Variants in HNF4G observed in about 807,000 individuals in gnomAD.
HNF4G encodes hepatocyte nuclear factor 4 gamma.
In HNF4G, 21 loss-of-function variants were observed where a neutral mutation model predicts 50.9. The observed-to-expected ratio is 0.41, with a 90% CI of 0.29 to 0.59. The LOEUF (loss-of-function observed/expected upper bound fraction) is 0.59, where lower values mean the gene tolerates loss of function less well. Ranked by LOEUF, HNF4G falls within the 20% of genes least tolerant of loss-of-function variation. The pLI is 0.26. For synonymous variants in HNF4G, 198 were observed against 185.6 expected (o/e 1.07, Z -0.54); for missense variants, 527 against 559.4 (o/e 0.94, Z 0.58).
chr8:75,488,027 A>G (rs1244205740), intron 1 of HNF4G, among the ~76,000 whole-genome samples: 3 of 152,184 alleles, frequency 2.0e-5, no homozygotes, highest in African/African-American at 4.8e-5. Flanking sequence ...AACCATCCCT[A>G]TGATTCAATT....
At chr8:75,563,397 G>A (rs566576793) in intron 9 of HNF4G, among the ~76,000 whole-genome samples, 2 of 150,262 alleles carry the variant, frequency 1.3e-5, no homozygotes, top group African/African-American at 4.9e-5. Flanking sequence ...GGATGCGACA[G>A]GCAAGCTCGA....
At chr8:75,554,165 T>C (rs1807049478) in intron 5 of HNF4G, among the ~76,000 whole-genome samples, 1 of 152,128 alleles carries the variant, frequency 6.6e-6, no homozygotes, top group Non-Finnish European at 1.5e-5. Flanking sequence ...TCACGAATAT[T>C]GACATACCAT....
At chr8:75,423,842 T>TTTTTTA in intron 1 of HNF4G, among the ~76,000 whole-genome samples, 1 of 118,904 alleles carries the variant, frequency 8.4e-6, no homozygotes, top group East Asian at 2.6e-4. Context: ...TTTTTTTTTT[T>TTTTTTA]GATAAGGAGT....
At position 75,436,707 on chromosome 8, in the gene HNF4G, A is replaced by C. The variant is rs146321320; in HGVS notation, c.-144+28545A>C. 4.6e-3 allele frequency among the ~76,000 whole-genome samples: 699 copies of C among 152,360 alleles called. 5 individuals are homozygous for C. Among genetic ancestry groups the C allele is most frequent in the African/African-American group, 0.016 (670 of 41,580 alleles). ...TCATGAAATAATTAGTTTTAAAAAG[A>C]AGCAAAGCTGTAAAGAGACACTGAA... On this transcript the variant is annotated intron_variant, in intron 1 of 10. Transcript: ENST00000354370.
chr8:75,504,808 CTT>C (rs1265389601), intron 2 of HNF4G, among the ~76,000 whole-genome samples: 2 of 152,044 alleles, frequency 1.3e-5, no homozygotes, highest in East Asian at 1.9e-4. Flanking sequence ...AAAATGATCT[CTT>C]ATTACTTATT....
chr8:75,492,296 C>G (rs993887773), intron 2 of HNF4G, among the ~76,000 whole-genome samples: 2 of 152,144 alleles, frequency 1.3e-5, no homozygotes, highest in African/African-American at 4.8e-5. Flanking sequence ...ATGCATTACC[C>G]TAAGTAGTGT....
At chr8:75,546,714 T>C (rs1440852805) in intron 2 of HNF4G, among the ~76,000 whole-genome samples, 1 of 152,178 alleles carries the variant, frequency 6.6e-6, no homozygotes, top group Non-Finnish European at 1.5e-5. Context: ...TCTTATTTAC[T>C]GACAAATAAT....
intron 2 of HNF4G, among the ~76,000 whole-genome samples, chr8:75,514,312 CTTTTCT>C (rs1030629247): frequency 1.0e-4 from 15 of 144,126 alleles, no homozygotes; most frequent in Admixed American, 7.6e-4. Flanking sequence ...TTTTTGCTTT[CTTTTCT>C]TTTTCTTTTT....
At chr8:75,510,736 T>C (rs548264570) in intron 2 of HNF4G, among the ~76,000 whole-genome samples, 2 of 152,284 alleles carry the variant, frequency 1.3e-5, no homozygotes, top group South Asian at 4.1e-4. Context: ...CACTGTATGA[T>C]GTTTGCGCAA....
rs1807393712 is a variant in HNF4G at position 75,564,029 on chromosome 8, A to G, written c.1301A>G (p.Tyr434Cys). The change falls in exon 10 of 10, where the codon TAC becomes TGC. Residue 434 changes from tyrosine (Y) to cysteine (C), a missense_variant. Transcript: ENST00000396423. The stretch of plus-strand genomic sequence containing the variant: ...CCACAAGGCTCTGGGCAAGAACAGT[A>G]CAAAATAGCTGCAAACCAAGCATCA... ...SPPQGSGQEQ[Y>C]KIAANQASVI... 9.3e-6 allele frequency: 15 copies of G among 1,613,642 alleles called. No individual in the cohort carries two copies. The highest frequency in any genetic ancestry group is 1.3e-5 in the African/African-American group (1 of 74,906).
intron 2 of HNF4G, among the ~76,000 whole-genome samples, chr8:75,526,547 T>C (rs1806185490): frequency 6.6e-6 from 1 of 150,718 alleles, no homozygotes; most frequent in Non-Finnish European, 1.5e-5. Flanking sequence ...TCTTCTTCTT[T>C]TTTTGAGACA....
upstream of HNF4G, among the ~76,000 whole-genome samples, chr8:75,535,025 G>A (rs1389732736): frequency 6.6e-6 from 1 of 151,616 alleles, no homozygotes; most frequent in Non-Finnish European, 1.5e-5. Flanking sequence ...GAGTTAATGC[G>A]ATTGCATAGA....
At position 75,440,075 on chromosome 8, in the gene HNF4G, C is replaced by T. The variant is rs563561858; in HGVS notation, c.-144+31913C>T. Among the ~76,000 whole-genome samples the T allele has an allele frequency of 6.6e-5, 10 of 152,210 alleles. No homozygotes were observed. In the South Asian group the frequency reaches 2.1e-3, roughly 32 times the overall value. On this transcript the variant is annotated intron_variant, in intron 1 of 10. Coordinates refer to the HNF4G transcript ENST00000354370. ...ACATTATCTTAATGAAACTTAAACT[C>T]CCAACTATTATGTCAATGCAATCCT...
intron 1 of HNF4G, among the ~76,000 whole-genome samples, chr8:75,473,321 T>C (rs1297649066): frequency 1.3e-5 from 2 of 152,024 alleles, no homozygotes; most frequent in Non-Finnish European, 2.9e-5. Flanking sequence ...TGTCATTATG[T>C]CATGGAAATT....
At chr8:75,465,971 A>T (rs1256194223) in intron 1 of HNF4G, among the ~76,000 whole-genome samples, 1 of 152,118 alleles carries the variant, frequency 6.6e-6, no homozygotes, top group Non-Finnish European at 1.5e-5. Context: ...GTTTGTGTGC[A>T]TCTGATGAAA....
At chr8:75,508,867 A>G (rs1354389291) in intron 2 of HNF4G, among the ~76,000 whole-genome samples, 1 of 152,230 alleles carries the variant, frequency 6.6e-6, no homozygotes, top group East Asian at 1.9e-4. Flanking sequence ...GGAGGAATTT[A>G]TGCTCTATCC....
intron 1 of HNF4G, among the ~76,000 whole-genome samples, chr8:75,420,188 A>T (rs1463488666): frequency 6.6e-6 from 1 of 152,114 alleles, no homozygotes; most frequent in African/African-American, 2.4e-5. Flanking sequence ...ATTAACTTCA[A>T]TTGGGCCTCA....
chr8:75,530,917 C>T (rs999498304), intron 2 of HNF4G, among the ~76,000 whole-genome samples: 2 of 151,588 alleles, frequency 1.3e-5, no homozygotes, highest in East Asian at 2.0e-4. Flanking sequence ...CTCAGCCTCC[C>T]CAGTAGCTGG....
At chr8:75,438,838 C>A (rs2130540277) in intron 1 of HNF4G, among the ~76,000 whole-genome samples, 1 of 152,124 alleles carries the variant, frequency 6.6e-6, no homozygotes, top group African/African-American at 2.4e-5. Context: ...ATTAGCAGAT[C>A]TATGTATAAT....
Sources: gnomAD v4.1 joint callset for allele counts (sites outside exome capture counted in the v4.1 genomes callset) on GRCh38, gnomAD v4.1.1 for gene constraint, MANE v1.5 for transcripts, NCBI Gene and HGNC (gene_info 2026-07-23, HGNC 2026-07-21) for gene names.